Variants in C6orf52 observed in about 807,000 individuals in gnomAD.
C6orf52 encodes chromosome 6 open reading frame 52.
A neutral mutation model predicts 16.6 loss-of-function variants in C6orf52; 16 were observed. The observed-to-expected ratio is 0.96, with a 90% CI of 0.65 to 1.46. C6orf52 has a LOEUF of 1.46. C6orf52 is among the 40% of genes most tolerant of loss of function. The probability of loss-of-function intolerance (pLI) is 0.00; values close to 1 mark genes in which losing one functional copy is unlikely to be tolerated. For synonymous variants in C6orf52, 53 were observed against 61.4 expected (o/e 0.86, Z 0.64); for missense variants, 166 against 182.3 (o/e 0.91, Z 0.52).
intron 4 of C6orf52, among the ~76,000 whole-genome samples, chr6:10,679,559 C>A (rs1181436444): frequency 6.9e-6 from 1 of 145,664 alleles, no homozygotes; most frequent in African/African-American, 2.8e-5. Context: ...CCATAAACTT[C>A]TAACTTGTTA....
chr6:10,690,501 CA>C (rs1769198552), intron 1 of C6orf52, among the ~76,000 whole-genome samples: 1 of 152,148 alleles, frequency 6.6e-6, no homozygotes, highest in Admixed American at 6.5e-5. Flanking sequence ...GAGGAGAATT[CA>C]GCAGGAATAT....
intron 1 of C6orf52, among the ~76,000 whole-genome samples, chr6:10,689,213 C>T (rs150549868): frequency 0.016 from 2,504 of 152,322 alleles, 56 homozygotes; most frequent in African/African-American, 0.046. Context: ...TCAGGAGATC[C>T]GCTCGCCTTA....
intron 2 of C6orf52, 36 bp downstream of exon 2, chr6:10,687,444 C>G (rs754502688): frequency 5.7e-6 from 8 of 1,407,972 alleles, no homozygotes; most frequent in Admixed American, 2.0e-5. Flanking sequence ...AGAACAGTAA[C>G]AGCTTTCCTT....
At chr6:10,676,394 T>C (rs1271918438) in intron 4 of C6orf52, among the ~76,000 whole-genome samples, 1 of 152,124 alleles carries the variant, frequency 6.6e-6, no homozygotes, top group Admixed American at 6.5e-5. Flanking sequence ...CCCAAATCAT[T>C]TTCTTTTCTA....
rs551134414 is a variant in C6orf52 at position 10,693,937 on chromosome 6, C to T, written c.-12+557G>A. ...AGAGACGGCATCAAAATATGTTGCT[C>T]AGGCTCACTTTGTTTTCCCAACTCT... On this transcript the variant is annotated intron_variant, in intron 1 of 4. Transcript: ENST00000259983. Among the ~76,000 whole-genome samples, 22 of 152,214 alleles carry T rather than the reference C, an allele frequency of 1.4e-4. No homozygotes were observed. In the South Asian group the frequency reaches 4.4e-3, roughly 30 times the overall value.
At chr6:10,686,564 A>T (rs1221729575) in intron 3 of C6orf52, among the ~76,000 whole-genome samples, 5 of 151,828 alleles carry the variant, frequency 3.3e-5, no homozygotes, top group African/African-American at 1.2e-4. Flanking sequence ...CCCCAAAACT[A>T]CCTTTTGTCC....
chr6:10,676,531 G>C (rs1393193713), intron 4 of C6orf52, among the ~76,000 whole-genome samples: 1 of 152,178 alleles, frequency 6.6e-6, no homozygotes, highest in Admixed American at 6.5e-5. Flanking sequence ...TCAAAATGGC[G>C]GCTCCATCTT....
At chr6:10,694,670 C>A, upstream of C6orf52, 1 of 278,334 alleles carries the variant, frequency 3.6e-6, no homozygotes, top group South Asian at 4.7e-5. Context: ...GAGGATGTCC[C>A]GCCCGCTCCC....
chr6:10,692,688 G>T (rs1208924955), intron 1 of C6orf52, among the ~76,000 whole-genome samples: 2 of 152,118 alleles, frequency 1.3e-5, no homozygotes, highest in Admixed American at 1.3e-4. Flanking sequence ...AAAGTGCTGG[G>T]ATTACAGGCA....
At chr6:10,679,842 CTG>C (rs1271663769) in intron 4 of C6orf52, among the ~76,000 whole-genome samples, 1 of 152,194 alleles carries the variant, frequency 6.6e-6, no homozygotes, top group Admixed American at 6.5e-5. Context: ...GCAATATTAG[CTG>C]TGAGTTTGTT....
intron 1 of C6orf52, among the ~76,000 whole-genome samples, chr6:10,692,700 G>A (rs1403221383): frequency 6.6e-6 from 1 of 152,166 alleles, no homozygotes; most frequent in Non-Finnish European, 1.5e-5. Flanking sequence ...TTACAGGCAT[G>A]CGTGAGCCAC....
In C6orf52 at chr6:10,694,040, A is replaced by C. The variant is rs1326864191; in HGVS notation, c.-12+454T>G. ...TTTGGGAGGTCGAGGCAAGCGGATC[A>C]CCTGCGGTCGGGAGTTCAAAACCAG... On this transcript the variant is annotated intron_variant, in intron 1 of 4. Transcript: ENST00000259983. Among the ~76,000 whole-genome samples the C allele has an allele frequency of 2.0e-5, 3 of 152,224 alleles. No homozygotes were observed. In the East Asian group the frequency reaches 5.8e-4, roughly 29 times the overall value.
intron 3 of C6orf52, among the ~76,000 whole-genome samples, chr6:10,686,017 C>T (rs920539003): frequency 1.3e-5 from 2 of 152,166 alleles, no homozygotes; most frequent in African/African-American, 4.8e-5. Flanking sequence ...TTTAAAATGT[C>T]AGATAAGGGA....
At chr6:10,686,848 G>A (rs921347714) in intron 3 of C6orf52, 118 bp downstream of exon 3, 46 of 739,018 alleles carry the variant, frequency 6.2e-5, no homozygotes, top group Non-Finnish European at 9.4e-5. Context: ...AAAACAGGTA[G>A]CAAAAGCCAT....
At chr6:10,693,355 T>C (rs143762427) in intron 1 of C6orf52, among the ~76,000 whole-genome samples, 6 of 152,386 alleles carry the variant, frequency 3.9e-5, no homozygotes, top group Admixed American at 6.5e-5. Context: ...TTTGTCTCCA[T>C]GCTGACTTTT....
At chr6:10,672,420 A>C (rs1290213407) in intron 4 of C6orf52, 6 of 515,746 alleles carry the variant, frequency 1.2e-5, no homozygotes, top group Non-Finnish European at 2.1e-5. Flanking sequence ...CCTAACCCCC[A>C]CAATGTGAAG....
intron 4 of C6orf52, among the ~76,000 whole-genome samples, chr6:10,677,867 G>T (rs566255745): frequency 1.3e-5 from 2 of 151,826 alleles, no homozygotes; most frequent in African/African-American, 4.8e-5. Context: ...GAATGCCATT[G>T]GTATTTTGAT....
chr6:10,685,815 A>G (rs1768829076), intron 3 of C6orf52, among the ~76,000 whole-genome samples: 1 of 152,234 alleles, frequency 6.6e-6, no homozygotes, highest in South Asian at 2.1e-4. Context: ...ACAAATGTAG[A>G]GTAGCAAGAA....
intron 4 of C6orf52, among the ~76,000 whole-genome samples, chr6:10,677,679 G>T (rs1004923153): frequency 6.6e-6 from 1 of 151,440 alleles, no homozygotes; most frequent in Admixed American, 6.6e-5. Flanking sequence ...CTACAGGCAC[G>T]CATGCCACTA....
Sources: allele counts gnomAD v4.1 joint callset (sites outside exome capture counted in the v4.1 genomes callset), GRCh38; gene constraint gnomAD v4.1.1; transcripts MANE v1.5; gene names NCBI Gene and HGNC (gene_info 2026-07-23, HGNC 2026-07-21).